ADCY10: variants seen among roughly 807,000 people sequenced by gnomAD.
ADCY10 encodes the protein adenylate cyclase 10, also known as adenylate cyclase type 10.
A neutral mutation model predicts 183.3 loss-of-function variants in ADCY10; 156 were observed. The ratio of observed to expected loss-of-function variants is 0.85; its 90% confidence interval spans 0.75 to 0.97. ADCY10 has a LOEUF of 0.97. Ranked by LOEUF, ADCY10 falls within the 50% of genes least tolerant of loss-of-function variation. ADCY10 has a pLI of 0.00. For synonymous variants in ADCY10, 645 were observed against 670.0 expected (o/e 0.96, Z 0.58); for missense variants, 1,745 against 1,934.3 (o/e 0.90, Z 1.84).
chr1:167,870,204 A>G, intron 14 of ADCY10, 53 bp downstream of exon 14: 1 of 1,606,270 alleles, frequency 6.2e-7, no homozygotes, highest in Non-Finnish European at 8.5e-7. Flanking sequence ...GGAGCATCAA[A>G]ATAAATCAGG....
At chr1:167,819,858 C>T in intron 30 of ADCY10, 1 of 758,622 alleles carries the variant, frequency 1.3e-6, no homozygotes, top group Non-Finnish European at 2.3e-6. Flanking sequence ...AGCCACCGCG[C>T]CCGGCATGAT....
chr1:167,888,545 A>G (rs577680194), intron 8 of ADCY10, among the ~76,000 whole-genome samples: 122 of 151,846 alleles, frequency 8.0e-4, no homozygotes, highest in Non-Finnish European at 1.6e-3. Context: ...TACTTTCTTG[A>G]TTTCTTTTTC....
rs754462694 is a variant in ADCY10, at chr1:167,829,365, T to C, written c.3652A>G (p.Ile1218Val). The C allele has an allele frequency of 1.2e-6, 2 of 1,614,192 alleles. No homozygotes were observed. The highest frequency in any genetic ancestry group is 8.5e-7 in the Non-Finnish European group (1 of 1,179,994). Reference sequence around the variant, plus strand: ...TGAAAAAGATAACTGTAGCTATAGATGCGCCACAGCAAGGAAAGGCAGACA... The same window carrying C: ...TGAAAAAGATAACTGTAGCTATAGACGCGCCACAGCAAGGAAAGGCAGACA... ...QTVCLSLLWR[I>V]YSYSYLFHCK... Residue 1218 changes from isoleucine (I) to valine (V), a missense_variant, in exon 26 of 33, where the codon ATC (isoleucine) becomes GTC (valine). Coordinates refer to ENST00000367851, the MANE Select transcript of ADCY10 (RefSeq NM_018417.6).
rs10563904 is a variant in ADCY10 at position 167,854,654 on chromosome 1, CAT to C, written c.2172-167_2172-166del. 0.035 allele frequency among the ~76,000 whole-genome samples: 5,375 copies of C among 152,216 alleles called. 140 individuals carry two copies. The highest frequency in any genetic ancestry group is 0.051 in the South Asian group (246 of 4,822). On this transcript the variant is annotated intron_variant, in intron 17 of 32. Transcript: ENST00000367851. ...TGCTTTGTTTTCTTTTTATTTCACT[CAT>C]GTGTGTACACAATAAGTGTGCACAC... is the stretch of plus-strand genomic sequence containing the variant.
intron 8 of ADCY10, among the ~76,000 whole-genome samples, chr1:167,887,176 C>T (rs1668285502): frequency 6.6e-6 from 1 of 152,112 alleles, no homozygotes; most frequent in Non-Finnish European, 1.5e-5. Flanking sequence ...TATCATTTGA[C>T]CCAGCCATCC....
chr1:167,884,325 G>A (rs922922163), intron 8 of ADCY10, among the ~76,000 whole-genome samples: 1 of 152,146 alleles, frequency 6.6e-6, no homozygotes, highest in African/African-American at 2.4e-5. Flanking sequence ...TATGGCCAGA[G>A]GAGAGCAGGG....
At chr1:167,840,318 C>T (rs1451533152) in intron 21 of ADCY10, among the ~76,000 whole-genome samples, 4 of 150,560 alleles carry the variant, frequency 2.7e-5, no homozygotes, top group African/African-American at 9.8e-5. Flanking sequence ...GAGGTATGCT[C>T]TTTGTCATTA....
At chr1:167,894,604 A>C (rs1310696144) in intron 7 of ADCY10, among the ~76,000 whole-genome samples, 1 of 151,482 alleles carries the variant, frequency 6.6e-6, no homozygotes. Flanking sequence ...GAAGAAAATG[A>C]TAATGTGAAA....
intron 11 of ADCY10, 46 bp from the exon 12 acceptor site, chr1:167,878,681 T>C (rs1667663986): frequency 5.7e-6 from 9 of 1,566,452 alleles, no homozygotes; most frequent in Middle Eastern, 2.0e-4. Context: ...ATAACAGGCA[T>C]TGAACTGAAT....
chr1:167,904,866 G>A, intron 2 of ADCY10, 127 bp downstream of exon 2: 1 of 1,227,410 alleles, frequency 8.1e-7, no homozygotes, highest in Non-Finnish European at 1.2e-6. Flanking sequence ...TCTCAGTGGA[G>A]CACATCTGCT....
chr1:167,890,372 C>A (rs1045737698), intron 8 of ADCY10, among the ~76,000 whole-genome samples: 3 of 152,114 alleles, frequency 2.0e-5, no homozygotes, highest in Admixed American at 6.5e-5. Flanking sequence ...CAAGCAGAGA[C>A]TTTTGTTCTC....
At chr1:167,837,090 TG>T (rs1359346502) in intron 22 of ADCY10, 158 bp downstream of exon 22, 10 of 700,468 alleles carry the variant, frequency 1.4e-5, no homozygotes, top group Non-Finnish European at 2.3e-5. Flanking sequence ...AAACCTAGTG[TG>T]GATACTACTG....
At chr1:167,819,222 G>A (rs1662718302) in intron 30 of ADCY10, among the ~76,000 whole-genome samples, 2 of 148,616 alleles carry the variant, frequency 1.3e-5, no homozygotes, top group South Asian at 2.2e-4. Context: ...ACAATCCTTT[G>A]AATATTTTCT....
At position 167,818,149 on chromosome 1, in the gene ADCY10, C is replaced by T; in HGVS notation, c.4405G>A (p.Gly1469Arg). 1 of 1,614,140 alleles carries T rather than the reference C, an allele frequency of 6.2e-7. No homozygotes were observed. ...YYDGISRYME[G>R]QVLHLQKQIK... ...TGTTTTTGAAGGTGAAGAACTTGCC[C>T]CTCCATGTACCTAGATATTCCGTCA... Residue 1469 changes from glycine to arginine, a missense_variant, in exon 31 of 33, where the codon GGG becomes AGG. Physicochemically the swap from Gly to Arg is moderately radical, Grantham distance 125 (BLOSUM62 -2). Coordinates refer to ENST00000367851, the MANE Select transcript of ADCY10 (RefSeq NM_018417.6).
chr1:167,838,981 A>G (rs1664428987), intron 21 of ADCY10, among the ~76,000 whole-genome samples: 1 of 152,178 alleles, frequency 6.6e-6, no homozygotes, highest in Admixed American at 6.5e-5. Context: ...CGTTGACCAT[A>G]CCCAAAAACA....
At chr1:167,911,660 T>G (rs1670158919) in intron 1 of ADCY10, among the ~76,000 whole-genome samples, 1 of 152,192 alleles carries the variant, frequency 6.6e-6, no homozygotes, top group Admixed American at 6.5e-5. Context: ...TTCAGTGTAC[T>G]CTCGTGGCAA....
chr1:167,896,029 C>T (rs1341950570), intron 7 of ADCY10, among the ~76,000 whole-genome samples: 1 of 152,100 alleles, frequency 6.6e-6, no homozygotes, highest in Non-Finnish European at 1.5e-5. Context: ...AAGCTATGGT[C>T]AACCATCTAG....
chr1:167,903,858 T>C, intron 3 of ADCY10, 29 bp downstream of exon 3: 1 of 1,518,004 alleles, frequency 6.6e-7, no homozygotes, highest in Non-Finnish European at 9.2e-7. Context: ...TGAAATATTC[T>C]CAAGCCAGAA....
chr1:167,854,572 G>A, intron 17 of ADCY10, 83 bp from the exon 18 acceptor site: 1 of 1,502,782 alleles, frequency 6.7e-7, no homozygotes, highest in South Asian at 1.1e-5. Flanking sequence ...TCAATCACTT[G>A]AAAATAATTT....
Sources: gnomAD v4.1 joint callset for allele counts (sites outside exome capture counted in the v4.1 genomes callset) on GRCh38, gnomAD v4.1.1 for gene constraint, MANE v1.5 for transcripts, NCBI Gene and HGNC (gene_info 2026-07-23, HGNC 2026-07-21) for gene names.